The following DMD variants were observed in gnomAD, a reference collection of about 807,000 sequenced individuals.
DMD encodes the protein dystrophin.
A neutral mutation model predicts 330.1 loss-of-function variants in DMD; 63 were observed. The ratio of observed to expected loss-of-function variants is 0.19; its 90% CI spans 0.16 to 0.24. The LOEUF (loss-of-function observed/expected upper bound fraction) is 0.24. DMD is among the 10% of genes least tolerant of loss of function. The pLI is 1.00. For synonymous variants in DMD, 1,223 were observed against 959.8 expected (o/e 1.27, Z -5.07); for missense variants, 3,344 against 2,684.1 (o/e 1.25, Z -5.43).
At chrX:32,676,742 T>TA (rs1414384115) in intron 9 of DMD, among the ~76,000 whole-genome samples, 2 of 111,748 alleles carry the variant, frequency 1.8e-5, no homozygotes, top group Non-Finnish European at 3.8e-5. Context: ...CCCGTGTCTT[T>TA]AAAAAACAAA....
chrX:33,000,733 G>A (rs6631702), intron 2 of DMD, among the ~76,000 whole-genome samples: 43,604 of 110,583 alleles, frequency 0.39, 6,460 homozygotes, highest in East Asian at 0.48. Context: ...GTGATTACCT[G>A]TTGAAGAAAT....
chrX:33,081,917 G>A (rs1022768346), intron 1 of DMD, among the ~76,000 whole-genome samples: 9 of 110,561 alleles, frequency 8.1e-5, no homozygotes, highest in Non-Finnish European at 1.5e-4. Flanking sequence ...GATTTTGAGA[G>A]GGATCCATCT....
At chrX:32,576,982 A>T (rs188741829) in intron 13 of DMD, among the ~76,000 whole-genome samples, 63 of 111,782 alleles carry the variant, frequency 5.6e-4, no homozygotes, top group African/African-American at 2.0e-3. Context: ...TATTAAGAGA[A>T]GATGTTACAG....
chrX:32,635,615 AGCTTGAGTAGT>A, intron 11 of DMD, among the ~76,000 whole-genome samples: 1 of 112,456 alleles, frequency 8.9e-6, no homozygotes, highest in South Asian at 3.7e-4. Flanking sequence ...TTAAAAGAAA[AGCTTGAGTAGT>A]GCATGTACAA....
intron 60 of DMD, among the ~76,000 whole-genome samples, chrX:31,442,222 T>C (rs772042089): frequency 4.5e-4 from 50 of 112,187 alleles, no homozygotes; most frequent in African/African-American, 1.6e-3. Context: ...GACAGAATCA[T>C]AAGATTGAAC....
At chrX:32,593,072 C>T (rs760792713) in intron 13 of DMD, among the ~76,000 whole-genome samples, 115 of 112,712 alleles carry the variant, frequency 1.0e-3, no homozygotes, top group Non-Finnish European at 1.8e-3. Context: ...CATGGGGATC[C>T]GGGCCAGTAG....
chrX:32,063,418 G>A (rs1260524420), intron 44 of DMD, among the ~76,000 whole-genome samples: 1 of 110,903 alleles, frequency 9.0e-6, no homozygotes, highest in Non-Finnish European at 1.9e-5. Context: ...TGTTCTCGTT[G>A]CTAAGACTTT....
chrX:32,799,500 T>C (rs2076393640), intron 7 of DMD, among the ~76,000 whole-genome samples: 1 of 111,371 alleles, frequency 9.0e-6, no homozygotes, highest in Non-Finnish European at 1.9e-5. Context: ...CAATCTTTTA[T>C]CCCTGATTTT....
chrX:32,952,907 G>A (rs1012354637), intron 2 of DMD, among the ~76,000 whole-genome samples: 1 of 110,121 alleles, frequency 9.1e-6, no homozygotes, highest in Non-Finnish European at 1.9e-5. Flanking sequence ...GGCCAAGACG[G>A]GCAGATCACT....
chrX:31,851,620 G>T (rs962302706), intron 48 of DMD, among the ~76,000 whole-genome samples: 1 of 112,106 alleles, frequency 8.9e-6, no homozygotes, highest in Non-Finnish European at 1.9e-5. Flanking sequence ...ATTACTTATT[G>T]TCTGCTAAAC....
intron 2 of DMD, among the ~76,000 whole-genome samples, chrX:32,994,598 A>T (rs184889079): frequency 7.2e-5 from 8 of 111,703 alleles, no homozygotes; most frequent in Middle Eastern, 4.7e-3. Flanking sequence ...AAGTTGGATC[A>T]TATGGTAATT....
intron 44 of DMD, among the ~76,000 whole-genome samples, chrX:32,167,908 T>C (rs900411106): frequency 8.9e-6 from 1 of 112,560 alleles, no homozygotes; most frequent in Non-Finnish European, 1.9e-5. Flanking sequence ...ACCACTTATG[T>C]AGCATTTTTT....
intron 63 of DMD, among the ~76,000 whole-genome samples, chrX:31,226,013 T>C (rs1438833217): frequency 8.9e-6 from 1 of 112,128 alleles, no homozygotes. Context: ...CTCAACTACA[T>C]CTAACCATGA....
intron 44 of DMD, among the ~76,000 whole-genome samples, chrX:32,004,040 T>C (rs887858600): frequency 1.8e-5 from 2 of 111,168 alleles, no homozygotes; most frequent in African/African-American, 6.5e-5. Flanking sequence ...TAGTATTTTA[T>C]TTAATTTTGA....
chrX:32,435,297 T>TATATATATATATA (rs1557355914), intron 29 of DMD, among the ~76,000 whole-genome samples: 3 of 99,300 alleles, frequency 3.0e-5, no homozygotes, highest in Non-Finnish European at 4.1e-5. Flanking sequence ...TATATATATA[T>TATATATATATATA]TTACACCCAT....
chrX:33,053,855 G>A (rs1377089025), intron 1 of DMD, among the ~76,000 whole-genome samples: 4 of 110,484 alleles, frequency 3.6e-5, no homozygotes, highest in Non-Finnish European at 7.6e-5. Context: ...TGAGGGATGG[G>A]TGGGTTCGGT....
intron 44 of DMD, among the ~76,000 whole-genome samples, chrX:32,086,276 C>T (rs920329386): frequency 2.7e-5 from 3 of 111,725 alleles, no homozygotes; most frequent in Non-Finnish European, 3.8e-5. Context: ...ACTTGTGATA[C>T]GTGCACTTTT....
intron 67 of DMD, among the ~76,000 whole-genome samples, chrX:31,188,662 T>C (rs2042038452): frequency 8.9e-6 from 1 of 112,011 alleles, no homozygotes; most frequent in Non-Finnish European, 1.9e-5. Flanking sequence ...TTCTATGTCA[T>C]GCACACACAG....
chrX:31,687,803 T>C (rs1045858052), intron 52 of DMD, among the ~76,000 whole-genome samples: 1 of 112,192 alleles, frequency 8.9e-6, no homozygotes, highest in South Asian at 3.8e-4. Flanking sequence ...CTCTTGCTGC[T>C]TTTAGGATTC....
Sources: allele counts gnomAD v4.1 joint callset (sites outside exome capture counted in the v4.1 genomes callset), GRCh38; gene constraint gnomAD v4.1.1; transcripts MANE v1.5; gene names NCBI Gene and HGNC (gene_info 2026-07-23, HGNC 2026-07-21).